DPYD: variants seen among roughly 807,000 people sequenced by gnomAD.
The protein encoded by DPYD is dihydropyrimidine dehydrogenase, also known as dihydropyrimidine dehydrogenase [NADP(+)].
Under a neutral mutation model 116.2 loss-of-function variants are expected in DPYD, and 109 were observed. That is an observed-to-expected ratio of 0.94 (90% CI 0.80 to 1.10). DPYD has a LOEUF of 1.10. DPYD is among the 50% of genes least tolerant of loss of function. DPYD has a pLI of 0.00. For missense variants in DPYD, 1,302 were observed against 1,254.5 expected (o/e 1.04, Z -0.57); for synonymous variants, 440 against 432.0 (o/e 1.02, Z -0.23).
At chr1:97,134,601 C>T (rs1653642254) in intron 20 of DPYD, among the ~76,000 whole-genome samples, 1 of 152,166 alleles carries the variant, frequency 6.6e-6, no homozygotes, top group East Asian at 1.9e-4. Flanking sequence ...AACGTGTCAA[C>T]AAAGGCTTCC....
chr1:97,750,576 C>G (rs1664817264), intron 3 of DPYD, among the ~76,000 whole-genome samples: 5 of 152,136 alleles, frequency 3.3e-5, no homozygotes, highest in Admixed American at 1.3e-4. Flanking sequence ...GTAATTTTTA[C>G]TTTTTGCACT....
chr1:97,526,711 C>T (rs983001877), intron 12 of DPYD, among the ~76,000 whole-genome samples: 2 of 152,052 alleles, frequency 1.3e-5, no homozygotes, highest in Non-Finnish European at 2.9e-5. Flanking sequence ...CGTTTAAGTT[C>T]GGAAGATAGT....
At chr1:97,412,608 A>T (rs905411207) in intron 14 of DPYD, among the ~76,000 whole-genome samples, 1 of 152,210 alleles carries the variant, frequency 6.6e-6, no homozygotes, top group Non-Finnish European at 1.5e-5. Context: ...TTGTCTTAGA[A>T]ATTATTATAT....
intron 3 of DPYD, among the ~76,000 whole-genome samples, chr1:97,745,652 C>A (rs972926102): frequency 1.3e-5 from 2 of 151,906 alleles, no homozygotes; most frequent in Non-Finnish European, 2.9e-5. Context: ...CATTAAATTC[C>A]ATACACATTA....
chr1:97,691,625 C>T, intron 7 of DPYD, 92 bp downstream of exon 7: 2 of 1,122,286 alleles, frequency 1.8e-6, no homozygotes, highest in South Asian at 2.6e-5. Flanking sequence ...ATTGTTCTTT[C>T]CTAAAATGCA....
At chr1:97,235,601 G>A (rs988765385) in intron 18 of DPYD, among the ~76,000 whole-genome samples, 1 of 151,468 alleles carries the variant, frequency 6.6e-6, no homozygotes, top group Non-Finnish European at 1.5e-5. Context: ...TCCAGCCTGG[G>A]TGACAGAGTG....
chr1:97,662,746 A>T (rs1432901696), intron 8 of DPYD, among the ~76,000 whole-genome samples: 1 of 152,206 alleles, frequency 6.6e-6, no homozygotes, highest in East Asian at 1.9e-4. Flanking sequence ...TTCATCTAAT[A>T]TATGATCTGG....
chr1:97,237,885 T>C (rs958561348), intron 18 of DPYD, among the ~76,000 whole-genome samples: 1 of 152,164 alleles, frequency 6.6e-6, no homozygotes, highest in African/African-American at 2.4e-5. Context: ...TTGAGCTAAG[T>C]AGATAAATAA....
In DPYD at chr1:97,883,259, C is replaced by T; in HGVS notation, c.150+5G>A. 6.3e-7 allele frequency: 1 copy of T among 1,592,052 alleles called. No individual in the cohort carries two copies. Among genetic ancestry groups the T allele is most frequent in the Non-Finnish European group, 8.6e-7 (1 of 1,160,592 alleles). On this transcript the variant is annotated splice_donor_5th_base_variant and intron_variant, in intron 2 of 22. Coordinates refer to ENST00000370192, the MANE Select transcript of DPYD (RefSeq NM_000110.4). ...AGCATGAAATAGTGTATCAGTGGTA[C>T]TTACAAAGCAGTTCTTATCAGGATT...
chr1:97,251,145 C>T (rs1163228476), intron 18 of DPYD, among the ~76,000 whole-genome samples: 7 of 151,774 alleles, frequency 4.6e-5, no homozygotes, highest in Admixed American at 4.6e-4. Flanking sequence ...GTCTGTAATT[C>T]CAGCACTTGG....
chr1:97,830,634 T>C (rs1189271272), intron 2 of DPYD, among the ~76,000 whole-genome samples: 1 of 149,568 alleles, frequency 6.7e-6, no homozygotes, highest in Non-Finnish European at 1.5e-5. Flanking sequence ...TCCTTGAACC[T>C]GGGAGGTGGA....
At chr1:97,350,650 G>T (rs1002469417) in intron 16 of DPYD, among the ~76,000 whole-genome samples, 1 of 152,076 alleles carries the variant, frequency 6.6e-6, no homozygotes, top group Admixed American at 6.6e-5. Flanking sequence ...CCAGAACAGA[G>T]TTTCAATTAT....
chr1:97,303,017 G>C (rs1369512757), intron 18 of DPYD, among the ~76,000 whole-genome samples: 1 of 151,906 alleles, frequency 6.6e-6, no homozygotes, highest in Admixed American at 6.6e-5. Context: ...TTCTCTAGAA[G>C]AACATTCCTG....
rs147031238 is a variant in DPYD, at chr1:97,353,807, A to G, written c.2058+19754T>C. ...AACTTTCATAACTTCCACAAATAGC[A>G]CTGTCTTCAAACTGAAATGCATCAT... is the stretch of plus-strand genomic sequence containing the variant. On this transcript the variant is annotated intron_variant, in intron 16 of 22. Transcript: ENST00000370192. Among the ~76,000 whole-genome samples, 827 of 152,236 alleles carry G rather than the reference A, an allele frequency of 5.4e-3. 10 individuals are homozygous for G. The highest frequency in any genetic ancestry group is 0.019 in the African/African-American group (773 of 41,542).
At chr1:97,275,097 TAA>T (rs1306689757) in intron 18 of DPYD, among the ~76,000 whole-genome samples, 1 of 151,974 alleles carries the variant, frequency 6.6e-6, no homozygotes, top group Non-Finnish European at 1.5e-5. Context: ...TGGCATTAGG[TAA>T]AAGTGTGAGT....
intron 3 of DPYD, among the ~76,000 whole-genome samples, chr1:97,742,809 T>C (rs1458448374): frequency 6.6e-6 from 1 of 152,108 alleles, no homozygotes; most frequent in Non-Finnish European, 1.5e-5. Context: ...CCAACTTAAA[T>C]GTCACCTTAT....
At chr1:97,783,001 G>C (rs1666839775) in intron 3 of DPYD, among the ~76,000 whole-genome samples, 3 of 152,156 alleles carry the variant, frequency 2.0e-5, no homozygotes, top group Non-Finnish European at 4.4e-5. Context: ...TGAAAGCATG[G>C]GGTAGGAGTG....
At chr1:97,752,325 T>C (rs1011589728) in intron 3 of DPYD, among the ~76,000 whole-genome samples, 52 of 130,966 alleles carry the variant, frequency 4.0e-4, no homozygotes, top group African/African-American at 6.2e-4. Context: ...CACACACACA[T>C]ACACACATAC....
At chr1:97,178,775 T>C (rs933073319) in intron 20 of DPYD, among the ~76,000 whole-genome samples, 2 of 152,186 alleles carry the variant, frequency 1.3e-5, no homozygotes, top group East Asian at 1.9e-4. Context: ...CTGGTTGTAC[T>C]GTGGTAATAA....
Sources: allele counts gnomAD v4.1 joint callset (sites outside exome capture counted in the v4.1 genomes callset), GRCh38; gene constraint gnomAD v4.1.1; transcripts MANE v1.5; gene names NCBI Gene and HGNC (gene_info 2026-07-23, HGNC 2026-07-21).